FKBP14: variants seen among roughly 807,000 people sequenced by gnomAD.
The protein encoded by FKBP14 is peptidyl-prolyl cis-trans isomerase FKBP14.
Under a neutral mutation model 21.6 loss-of-function variants are expected in FKBP14, and 20 were observed. The ratio of observed to expected loss-of-function variants is 0.92; its 90% CI spans 0.65 to 1.34. The LOEUF (loss-of-function observed/expected upper bound fraction) is 1.34, where lower values mean the gene tolerates loss of function less well. Among genes scored for constraint, FKBP14 ranks in the 40% most tolerant of loss-of-function variants. The pLI, the probability that FKBP14 is intolerant of heterozygous loss-of-function variation, is 0.00. For synonymous variants in FKBP14, 79 were observed against 86.7 expected (o/e 0.91, Z 0.49); for missense variants, 253 against 249.0 (o/e 1.02, Z -0.11).
At chr7:30,018,002 TA>T (rs1265613259) in intron 3 of FKBP14, among the ~76,000 whole-genome samples, 2 of 2,710 alleles carry the variant, frequency 7.4e-4, no homozygotes, top group African/African-American at 3.4e-3. Flanking sequence ...TCTCAGGAAA[TA>T]AATAAATAAA....
downstream of FKBP14, among the ~76,000 whole-genome samples, chr7:30,005,973 G>A (rs1017915700): frequency 6.6e-6 from 1 of 151,882 alleles, no homozygotes; most frequent in African/African-American, 2.4e-5. Context: ...TCACAGAGGG[G>A]TACCATGTAC....
intron 1 of FKBP14, among the ~76,000 whole-genome samples, chr7:30,023,462 C>T (rs779596760): frequency 6.6e-5 from 10 of 152,180 alleles, no homozygotes; most frequent in East Asian, 5.8e-4. Flanking sequence ...ATGGCTCTGA[C>T]GGGTAGAAAA....
At chr7:30,021,459 A>G (rs1439288286) in intron 2 of FKBP14, among the ~76,000 whole-genome samples, 2 of 152,170 alleles carry the variant, frequency 1.3e-5, no homozygotes, top group Non-Finnish European at 2.9e-5. Context: ...AAACAATGCA[A>G]TTATGGACAT....
intron 3 of FKBP14, 150 bp from the exon 4 acceptor site, chr7:30,015,043 G>T: frequency 2.2e-6 from 1 of 452,538 alleles, no homozygotes; most frequent in Non-Finnish European, 3.7e-6. Context: ...TAGTTTTAAT[G>T]ATAATTAAAA....
intron 1 of FKBP14, among the ~76,000 whole-genome samples, chr7:30,023,245 T>A (rs1436777794): frequency 6.6e-6 from 1 of 152,156 alleles, no homozygotes; most frequent in African/African-American, 2.4e-5. Context: ...AAGGTCTTAA[T>A]CACAAAGTTA....
rs1789699368 is a variant in FKBP14 at position 30,010,657 on chromosome 7, C to T, written c.*4078G>A. 1 of 152,138 alleles carries T rather than the reference C, an allele frequency of 6.6e-6. No individual in the cohort carries two copies. The highest frequency in any genetic ancestry group is 1.5e-5 in the Non-Finnish European group (1 of 68,018). 9.4% of individuals were successfully genotyped at this position (152,138 alleles called of 1,614,324 possible). A position where few individuals can be genotyped will look rare whatever the true frequency, so the allele number is the denominator to read the frequency against. On this transcript the variant is annotated 3_prime_UTR_variant, in exon 4 of 4. Coordinates refer to ENST00000222803, the MANE Select transcript of FKBP14 (RefSeq NM_017946.4). ...GTCATGTAAATTTAAATATGGCACACTGAGCAGTATTGACGCAAATTATAT... is the reference window on the plus strand; with the variant it reads ...GTCATGTAAATTTAAATATGGCACATTGAGCAGTATTGACGCAAATTATAT...
At position 30,026,375 on chromosome 7, in the gene FKBP14, C is replaced by T. The variant is rs1790172789; in HGVS notation, c.134G>A (p.Gly45Glu). The T allele has an allele frequency of 6.2e-7, 1 of 1,614,100 alleles. No individual in the cohort carries two copies. Among genetic ancestry groups the T allele is most frequent in the African/African-American group, 1.3e-5 (1 of 75,036 alleles). Reference protein sequence around the residue: ...PFICHRKTKGGDLMLVHYEGY... With the variant: ...PFICHRKTKGEDLMLVHYEGY... ...TTCATAGTGGACCAACATCAAATCC[C>T]CTCCTTTGGTCTTGCGATGGCAGAT... The change falls in exon 1 of 4, where the codon GGG (glycine) becomes GAG (glutamate). Residue 45 changes from glycine (G) to glutamate (E), a missense_variant. Physicochemically the swap from Gly to Glu is moderately conservative, Grantham distance 98. Coordinates refer to ENST00000222803, the MANE Select transcript of FKBP14 (RefSeq NM_017946.4).
rs1486240077 is a variant in FKBP14 at position 30,011,535 on chromosome 7, CATATATATATATACT to C, written c.*3185_*3199del. 1.2e-3 allele frequency: 162 copies of C among 131,802 alleles called. No homozygotes were observed. Among genetic ancestry groups the C allele is most frequent in the African/African-American group, 4.3e-3 (151 of 35,058 alleles). The allele number at this position is 131,802 out of a possible 1,614,324, so 8.2% of individuals were successfully genotyped here. On this transcript the variant is annotated 3_prime_UTR_variant, in exon 4 of 4. Transcript: ENST00000222803. ...ACCATATATATATATATACACACAC[CATATATATATATACT>C]ATATATATATATACCATATATATGG...
At position 30,026,324 on chromosome 7, in the gene FKBP14, A is replaced by T; in HGVS notation, c.185T>A (p.Leu62Ter). ...YEGYLEKDGS[L>*]FHSTHKHNNG... ...CATAATTACTTACGTGGAGTGAAATAAGGAGCCGTCCTTTTCTAAGTAGCC... is the reference window on the plus strand; with the variant it reads ...CATAATTACTTACGTGGAGTGAAATTAGGAGCCGTCCTTTTCTAAGTAGCC... Residue 62 changes from leucine (L) to a stop codon, truncating the protein, a stop_gained, in exon 1 of 4, where the codon TTA (leucine) becomes TAA (stop). Coordinates refer to ENST00000222803, the MANE Select transcript of FKBP14 (RefSeq NM_017946.4). LOFTEE classifies it high-confidence loss of function. 6.2e-7 allele frequency: 1 copy of T among 1,608,346 alleles called. No homozygotes were observed. The highest frequency in any genetic ancestry group is 8.5e-7 in the Non-Finnish European group (1 of 1,176,946).
At chr7:30,018,894 T>C (rs986276610) in intron 3 of FKBP14, 102 bp downstream of exon 3, 7 of 1,170,332 alleles carry the variant, frequency 6.0e-6, no homozygotes, top group South Asian at 2.9e-5. Flanking sequence ...ATTTGAAATA[T>C]ACACATATTC....
chr7:30,022,285 A>G (rs943676593), intron 2 of FKBP14: 7 of 155,098 alleles, frequency 4.5e-5, no homozygotes, highest in Non-Finnish European at 8.6e-5. Flanking sequence ...AGATGAGAAC[A>G]TTCTGAAGAT....
At chr7:30,010,510 A>G (rs1463244699), downstream of FKBP14, 4 of 152,234 alleles carry the variant, frequency 2.6e-5, no homozygotes, top group African/African-American at 9.6e-5. Flanking sequence ...CTTTTGGTAT[A>G]AAATTTAGAA....
chr7:30,016,354 A>G (rs150333259), intron 3 of FKBP14, among the ~76,000 whole-genome samples: 246 of 152,226 alleles, frequency 1.6e-3, no homozygotes, highest in Non-Finnish European at 3.1e-3. Flanking sequence ...CAGGTCTGAT[A>G]AGTGCCTAGA....
downstream of FKBP14, among the ~76,000 whole-genome samples, chr7:30,006,245 C>T (rs944344536): frequency 3.3e-5 from 5 of 151,290 alleles, no homozygotes; most frequent in African/African-American, 9.7e-5. Flanking sequence ...TCTCAGCCTC[C>T]TGAGTAGCTG....
At chr7:30,025,335 A>G (rs549540091) in intron 1 of FKBP14, 3 of 152,302 alleles carry the variant, frequency 2.0e-5, no homozygotes, top group South Asian at 4.1e-4. Flanking sequence ...CACTTTGAAT[A>G]TTCTGTACCC....
chr7:30,007,443 C>T (rs1583718615), downstream of FKBP14, among the ~76,000 whole-genome samples: 1 of 152,130 alleles, frequency 6.6e-6, no homozygotes, highest in East Asian at 1.9e-4. Context: ...CTCTTGACCT[C>T]GTGATCTGCC....
In FKBP14 at chr7:30,014,828, A is replaced by T. The variant is rs776599954; in HGVS notation, c.543T>A (p.Asp181Glu). 5.0e-6 allele frequency: 8 copies of T among 1,611,824 alleles called. No individual in the cohort carries two copies. Among genetic ancestry groups the T allele is most frequent in the Admixed American group, 1.7e-5 (1 of 59,360 alleles). Residue 181 changes from aspartate (D) to glutamate (E), a missense_variant, in exon 4 of 4, where the codon GAT (aspartate) becomes GAA (glutamate). Coordinates refer to ENST00000222803, the MANE Select transcript of FKBP14 (RefSeq NM_017946.4). ...TATCAAAAATATCCTCCACCAAAGC[A>T]TCATGATGACTTTCATTCACCACCG... ...HGAVVNESHH[D>E]ALVEDIFDKE...
chr7:30,016,107 A>G (rs955313576), intron 3 of FKBP14, among the ~76,000 whole-genome samples: 4 of 150,980 alleles, frequency 2.6e-5, no homozygotes, highest in Non-Finnish European at 5.9e-5. Context: ...GGGTTTCACC[A>G]TGTTGCCCAG....
At chr7:30,020,401 G>T (rs891553965) in intron 2 of FKBP14, 3 of 488,648 alleles carry the variant, frequency 6.1e-6, no homozygotes, top group Non-Finnish European at 1.0e-5. Flanking sequence ...TTATTGTGAA[G>T]TAAACTTGAG....
Sources: gnomAD v4.1 joint callset for allele counts (sites outside exome capture counted in the v4.1 genomes callset) on GRCh38, gnomAD v4.1.1 for gene constraint, MANE v1.5 for transcripts, NCBI Gene and HGNC (gene_info 2026-07-23, HGNC 2026-07-21) for gene names.